Variants in RBFOX1 observed in about 807,000 individuals in gnomAD.
RBFOX1 encodes RNA binding protein fox-1 homolog 1.
Under a neutral mutation model 57.7 loss-of-function variants are expected in RBFOX1, and 8 were observed. The observed-to-expected ratio is 0.14, with a 90% confidence interval of 0.08 to 0.25. The LOEUF is 0.25. Ranked by LOEUF, RBFOX1 falls within the 10% of genes least tolerant of loss-of-function variation. RBFOX1 has a pLI of 1.00. For missense variants in RBFOX1, 611 were observed against 548.5 expected (o/e 1.11, Z -1.14); for synonymous variants, 326 against 222.4 (o/e 1.47, Z -4.15).
chr16:5,857,049 A>C (rs1386907365), intron 3 of RBFOX1, among the ~76,000 whole-genome samples: 2 of 152,174 alleles, frequency 1.3e-5, no homozygotes, highest in Non-Finnish European at 2.9e-5. Context: ...TTTAATCATT[A>C]GTTTTTGATT....
At chr16:7,120,812 A>ATT (rs1373162180) in intron 4 of RBFOX1, among the ~76,000 whole-genome samples, 12 of 52,110 alleles carry the variant, frequency 2.3e-4, no homozygotes, top group East Asian at 1.0e-3. Flanking sequence ...TATATGTAAT[A>ATT]TTTTATATAT....
At chr16:6,660,053 C>A (rs2098691368) in intron 3 of RBFOX1, among the ~76,000 whole-genome samples, 1 of 151,836 alleles carries the variant, frequency 6.6e-6, no homozygotes, top group Non-Finnish European at 1.5e-5. Flanking sequence ...AGTGAAACAT[C>A]ATCTCTACCA....
chr16:7,224,458 C>G lies in RBFOX1; in HGVS notation c.27+172360C>G, dbSNP rs759036030. Among the ~76,000 whole-genome samples, 24 of 152,248 alleles carry G rather than the reference C, an allele frequency of 1.6e-4. No homozygotes were observed. The South Asian group carries it at 1.7e-3, about 11-fold the overall frequency. On this transcript the variant is annotated intron_variant, in intron 4 of 15. Transcript: ENST00000550418. ...ACCAAGCATCACCAGCCCAGTGCTT[C>G]TCAGTCTTGGCTGCAAATGATCGAG...
chr16:5,316,390 G>A (rs188526413), intron 1 of RBFOX1, among the ~76,000 whole-genome samples: 33 of 152,240 alleles, frequency 2.2e-4, no homozygotes, highest in African/African-American at 7.7e-4. Context: ...CCAGCACACT[G>A]CCCAGAACAT....
intron 1 of RBFOX1, among the ~76,000 whole-genome samples, chr16:6,096,321 A>C (rs979975965): frequency 3.3e-5 from 5 of 152,190 alleles, no homozygotes; most frequent in Admixed American, 2.0e-4. Flanking sequence ...TAAGTCCTTC[A>C]GGAAAATCGT....
chr16:7,430,803 C>G (rs763787876), intron 4 of RBFOX1, among the ~76,000 whole-genome samples: 4 of 152,174 alleles, frequency 2.6e-5, no homozygotes, highest in Non-Finnish European at 5.9e-5. Flanking sequence ...TGGCCAAGTG[C>G]AAGTCACTTA....
intron 2 of RBFOX1, among the ~76,000 whole-genome samples, chr16:6,570,847 TC>T (rs569208528): frequency 2.6e-4 from 39 of 152,326 alleles, no homozygotes; most frequent in African/African-American, 9.1e-4. Context: ...GAAATACCAT[TC>T]TTGATGGGTG....
chr16:7,375,228 G>C (rs2097662959), intron 4 of RBFOX1, among the ~76,000 whole-genome samples: 2 of 152,172 alleles, frequency 1.3e-5, no homozygotes, highest in Non-Finnish European at 2.9e-5. Flanking sequence ...CAGTGACCAA[G>C]TCACTGTTAA....
intron 4 of RBFOX1, among the ~76,000 whole-genome samples, chr16:7,190,734 T>TGGTTCTAGG (rs2085167595): frequency 6.6e-6 from 1 of 152,188 alleles, no homozygotes; most frequent in South Asian, 2.1e-4. Flanking sequence ...TGGCCTTGCA[T>TGGTTCTAGG]GGTTCTAGGT....
At chr16:7,663,295 G>T (rs1022485236) in intron 12 of RBFOX1, among the ~76,000 whole-genome samples, 6 of 152,186 alleles carry the variant, frequency 3.9e-5, no homozygotes, top group African/African-American at 1.4e-4. Flanking sequence ...CTTCACAAGC[G>T]CTCTTGTGAA....
intron 4 of RBFOX1, among the ~76,000 whole-genome samples, chr16:7,085,311 A>G (rs2059825295): frequency 6.6e-6 from 1 of 152,216 alleles, no homozygotes; most frequent in African/African-American, 2.4e-5. Flanking sequence ...GCTCATGGTT[A>G]TCACTTTGAA....
At chr16:7,536,522 A>T (rs1299089276) in intron 5 of RBFOX1, among the ~76,000 whole-genome samples, 1 of 152,238 alleles carries the variant, frequency 6.6e-6, no homozygotes, top group African/African-American at 2.4e-5. Flanking sequence ...TGAACTCAGG[A>T]GGCGGAGGTT....
At chr16:7,071,293 G>C (rs2057283613) in intron 4 of RBFOX1, among the ~76,000 whole-genome samples, 1 of 152,040 alleles carries the variant, frequency 6.6e-6, no homozygotes, top group Admixed American at 6.6e-5. Flanking sequence ...CATTCTGGTA[G>C]GTGGTGTGAA....
chr16:7,519,899 T>A (rs1032002702), intron 5 of RBFOX1: 1 of 247,434 alleles, frequency 4.0e-6, no homozygotes, highest in African/African-American at 2.3e-5. Flanking sequence ...TGTTTTTGTT[T>A]TTTTGAGATG....
At chr16:6,312,694 TTCCTTCC>T (rs1318325143) in intron 1 of RBFOX1, among the ~76,000 whole-genome samples, 3 of 149,232 alleles carry the variant, frequency 2.0e-5, no homozygotes, top group Non-Finnish European at 4.5e-5. Flanking sequence ...CCTTCCTTCC[TTCCTTCC>T]TTCCTTCCTT....
chr16:7,036,688 G>A (rs7198757), intron 3 of RBFOX1, among the ~76,000 whole-genome samples: 13,145 of 150,110 alleles, frequency 0.088, 933 homozygotes, highest in East Asian at 0.32. Context: ...GCAAAACTCC[G>A]TCTCAAAAAC....
At chr16:5,969,200 C>T (rs2059910801) in intron 4 of RBFOX1, among the ~76,000 whole-genome samples, 1 of 151,206 alleles carries the variant, frequency 6.6e-6, no homozygotes, top group Non-Finnish European at 1.5e-5. Context: ...CAATGCCTCT[C>T]TGGCATGCTT....
chr16:6,521,450 C>T (rs778986807), intron 2 of RBFOX1, among the ~76,000 whole-genome samples: 3 of 144,622 alleles, frequency 2.1e-5, no homozygotes, highest in Admixed American at 7.0e-5. Flanking sequence ...CCTCCCCTCC[C>T]GTCCCCTCTC....
At chr16:5,375,144 A>G (rs1187700019) in intron 1 of RBFOX1, among the ~76,000 whole-genome samples, 1 of 151,178 alleles carries the variant, frequency 6.6e-6, no homozygotes, top group East Asian at 1.9e-4. Flanking sequence ...ATGCTAGGTT[A>G]CATAGAGTTA....
Sources: allele counts gnomAD v4.1 joint callset (sites outside exome capture counted in the v4.1 genomes callset), GRCh38; gene constraint gnomAD v4.1.1; transcripts MANE v1.5; gene names NCBI Gene and HGNC (gene_info 2026-07-23, HGNC 2026-07-21).